Variants in FSD1L observed in about 807,000 individuals in gnomAD.
The protein encoded by FSD1L is fibronectin type III and SPRY domain containing 1 like, also known as FSD1-like protein.
In FSD1L, 45 loss-of-function variants were observed where a neutral mutation model predicts 71.6. The observed-to-expected ratio is 0.63, with a 90% CI of 0.49 to 0.81. FSD1L has a LOEUF of 0.81. FSD1L is among the 30% of genes least tolerant of loss of function. The pLI, the probability that FSD1L is intolerant of heterozygous loss-of-function variation, is 0.00. For synonymous variants in FSD1L, 197 were observed against 207.2 expected (o/e 0.95, Z 0.42); for missense variants, 561 against 618.1 (o/e 0.91, Z 0.98).
chr9:105,544,260 C>A (rs1305987970), intron 13 of FSD1L, among the ~76,000 whole-genome samples: 1 of 152,160 alleles, frequency 6.6e-6, no homozygotes, highest in African/African-American at 2.4e-5. Context: ...ATCCTTTGCC[C>A]ACTTTTTGAT....
At chr9:105,492,814 G>A (rs1485689252) in intron 7 of FSD1L, among the ~76,000 whole-genome samples, 4 of 152,186 alleles carry the variant, frequency 2.6e-5, no homozygotes, top group Non-Finnish European at 5.9e-5. Flanking sequence ...ATGGTTTTGA[G>A]TGAGTTTCTT....
intron 13 of FSD1L, among the ~76,000 whole-genome samples, chr9:105,542,616 G>A (rs1187896473): frequency 2.6e-5 from 4 of 151,946 alleles, no homozygotes; most frequent in Non-Finnish European, 4.4e-5. Flanking sequence ...ACCATACCCG[G>A]CTATTTAAAA....
intron 10 of FSD1L, chr9:105,531,078 CCTT>C (rs1463323823): frequency 2.6e-5 from 4 of 152,328 alleles, no homozygotes; most frequent in Non-Finnish European, 4.4e-5. Context: ...AATCCCTACT[CCTT>C]GATAGAGGAG....
In FSD1L at chr9:105,448,141, C is replaced by G. The variant is rs1338477202; in HGVS notation, c.-80C>G. ...CTGGGGCAGTGCAGTGAGTAGCGGT[C>G]TTGGGGTGTGCGATCTCGCTGAGCC... On this transcript the variant is annotated 5_prime_UTR_variant, in exon 1 of 14. Transcript: ENST00000481272. 6.3e-6 allele frequency: 9 copies of G among 1,427,196 alleles called. No homozygotes were observed. The highest frequency in any genetic ancestry group is 2.0e-5 in the Admixed American group (1 of 50,490). 88.4% of individuals were successfully genotyped at this position (1,427,196 alleles called of 1,614,324 possible).
intron 7 of FSD1L, among the ~76,000 whole-genome samples, chr9:105,495,605 G>A (rs555848111): frequency 2.0e-5 from 3 of 152,326 alleles, no homozygotes; most frequent in East Asian, 3.9e-4. Context: ...CTCACGCTGG[G>A]AGCTGTAGAC....
chr9:105,480,306 T>A (rs1196846730), intron 6 of FSD1L, among the ~76,000 whole-genome samples: 1 of 151,842 alleles, frequency 6.6e-6, no homozygotes, highest in African/African-American at 2.4e-5. Context: ...TTTTTTTTTT[T>A]TTTTGAGGCA....
intron 5 of FSD1L, among the ~76,000 whole-genome samples, chr9:105,474,441 T>TTTTCTTCATAATTTGGACA: frequency 6.6e-6 from 1 of 152,344 alleles, no homozygotes; most frequent in South Asian, 2.1e-4. Context: ...CTGCTTGCAA[T>TTTTCTTCATAATTTGGACA]TATTTTCTTC....
intron 7 of FSD1L, among the ~76,000 whole-genome samples, chr9:105,504,115 C>T (rs923221575): frequency 6.6e-6 from 1 of 152,196 alleles, no homozygotes; most frequent in Non-Finnish European, 1.5e-5. Context: ...TTTCACATTG[C>T]TACAGGCCAT....
intron 1 of FSD1L, among the ~76,000 whole-genome samples, chr9:105,450,228 A>G (rs1829904844): frequency 6.6e-6 from 1 of 152,224 alleles, no homozygotes; most frequent in Non-Finnish European, 1.5e-5. Flanking sequence ...TGATTTTTAG[A>G]TACTATTTTC....
intron 4 of FSD1L, among the ~76,000 whole-genome samples, chr9:105,470,043 T>C (rs930683945): frequency 3.3e-5 from 5 of 152,204 alleles, no homozygotes; most frequent in South Asian, 2.1e-4. Flanking sequence ...TTGGCCTTAG[T>C]ACCTATGTCA....
intron 3 of FSD1L, among the ~76,000 whole-genome samples, chr9:105,466,467 T>G (rs1250847426): frequency 6.6e-6 from 1 of 152,082 alleles, no homozygotes; most frequent in African/African-American, 2.4e-5. Context: ...CCGAGTCAGG[T>G]GGATCACCTG....
chr9:105,462,173 A>ACCAAT (rs948541525), intron 2 of FSD1L, among the ~76,000 whole-genome samples: 21 of 151,198 alleles, frequency 1.4e-4, no homozygotes, highest in African/African-American at 5.1e-4. Context: ...TTTTTTTGGT[A>ACCAAT]CCAATGTTTT....
chr9:105,530,515 T>C (rs987106386), intron 10 of FSD1L: 2 of 672,084 alleles, frequency 3.0e-6, no homozygotes, highest in Non-Finnish European at 5.3e-6. Flanking sequence ...AAGTTACAAA[T>C]TTTTAAAAAT....
intron 10 of FSD1L, chr9:105,521,490 G>C: frequency 6.2e-7 from 1 of 1,611,098 alleles, no homozygotes; most frequent in Non-Finnish European, 8.5e-7. Flanking sequence ...CTTTGTGACA[G>C]AGATATTTCG....
At chr9:105,519,052 A>G (rs538352553) in intron 10 of FSD1L, among the ~76,000 whole-genome samples, 158 of 152,368 alleles carry the variant, frequency 1.0e-3, no homozygotes, top group African/African-American at 3.7e-3. Context: ...AAACTAGAAA[A>G]TCTAGAATGG....
chr9:105,490,972 T>C (rs1160823120), intron 7 of FSD1L, among the ~76,000 whole-genome samples: 16 of 150,126 alleles, frequency 1.1e-4, no homozygotes, highest in African/African-American at 3.9e-4. Flanking sequence ...TGGCTTAGGA[T>C]TGACTTGGCG....
chr9:105,520,485 A>G, intron 10 of FSD1L: 1 of 1,067,354 alleles, frequency 9.4e-7, no homozygotes. Context: ...ACAAGTCTCA[A>G]AGAGAGGAAC....
At chr9:105,464,040 C>T (rs1474948085) in intron 2 of FSD1L, among the ~76,000 whole-genome samples, 196 bp from the exon 3 acceptor site, 3 of 152,048 alleles carry the variant, frequency 2.0e-5, no homozygotes, top group Non-Finnish European at 4.4e-5. Flanking sequence ...AATAAGAGGG[C>T]TTAATACAGT....
chr9:105,544,056 A>C (rs1272066838), intron 13 of FSD1L, among the ~76,000 whole-genome samples: 1 of 152,206 alleles, frequency 6.6e-6, no homozygotes, highest in Non-Finnish European at 1.5e-5. Flanking sequence ...CCAACAGTGT[A>C]AAAGTGTTCC....
Sources: allele counts gnomAD v4.1 joint callset (sites outside exome capture counted in the v4.1 genomes callset), GRCh38; gene constraint gnomAD v4.1.1; transcripts MANE v1.5; gene names NCBI Gene and HGNC (gene_info 2026-07-23, HGNC 2026-07-21).